The following ELFN1 variants were observed in gnomAD, a reference collection of about 807,000 sequenced individuals.
The protein encoded by ELFN1 is extracellular leucine rich repeat and fibronectin type III domain containing 1.
In ELFN1, 6 loss-of-function variants were observed where a neutral mutation model predicts 7.6. The ratio of observed to expected loss-of-function variants is 0.79; its 90% confidence interval spans 0.43 to 1.56. ELFN1 has a LOEUF of 1.56. Among genes scored for constraint, ELFN1 ranks in the 40% most tolerant of loss-of-function variants. The pLI is 0.01. For missense variants in ELFN1, 1,169 were observed against 1,232.2 expected (o/e 0.95, Z 0.77); for synonymous variants, 657 against 588.1 (o/e 1.12, Z -1.70).
intron 3 of ELFN1, among the ~76,000 whole-genome samples, chr7:1,710,152 T>C (rs558889718): frequency 2.0e-5 from 3 of 152,384 alleles, no homozygotes; most frequent in African/African-American, 2.4e-5. Context: ...GTCTTCCATA[T>C]TGAAGAGTTC....
chr7:1,692,561 C>CCTGCA (rs1779191341), intron 2 of ELFN1: 1 of 152,492 alleles, frequency 6.6e-6, no homozygotes, highest in Non-Finnish European at 1.5e-5. Flanking sequence ...GCAGGCAACA[C>CCTGCA]CGTGGCACTT....
intron 3 of ELFN1, among the ~76,000 whole-genome samples, chr7:1,743,057 A>C (rs896302764): frequency 6.7e-6 from 1 of 148,942 alleles, no homozygotes; most frequent in African/African-American, 2.5e-5. Flanking sequence ...GAGGTCGCAC[A>C]CCAGGGGCCC....
Position 1,688,045 on chromosome 7 carries a change from T to TC in ELFN1, c.-548-13_-548-12insC, listed in dbSNP as rs1779090494. Reference sequence around the variant, plus strand: ...ATGCCTGGCTAATTTTTTTTTTTTTTTTTTTTTTGTAGAGACAGAGTCTCC... The same window carrying TC: ...ATGCCTGGCTAATTTTTTTTTTTTTTCTTTTTTTTGTAGAGACAGAGTCTCC... On this transcript the variant is annotated splice_polypyrimidine_tract_variant and intron_variant, in intron 1 of 3. Coordinates refer to ENST00000424383, the MANE Select transcript of ELFN1 (RefSeq NM_001128636.4). 1 of 145,790 alleles carries TC rather than the reference T, an allele frequency of 6.9e-6. No homozygotes were observed. Among genetic ancestry groups the TC allele is most frequent in the East Asian group, 1.9e-4 (1 of 5,152 alleles). The allele number at this position is 145,790 out of a possible 1,614,324, so 9.0% of individuals were successfully genotyped here.
intron 2 of ELFN1, 93 bp from the exon 3 acceptor site, chr7:1,708,998 G>A (rs567900052): frequency 9.2e-5 from 14 of 152,236 alleles, no homozygotes; most frequent in Non-Finnish European, 1.6e-4. Context: ...GACAGCTGGT[G>A]GCTCCGGCAG....
At chr7:1,722,415 T>C (rs923856001) in intron 3 of ELFN1, among the ~76,000 whole-genome samples, 5 of 151,984 alleles carry the variant, frequency 3.3e-5, no homozygotes, top group Non-Finnish European at 7.4e-5. Context: ...TACAGGTGCC[T>C]GCCACCACGC....
At position 1,670,830 on chromosome 7, in the gene ELFN1, C is replaced by T. The variant is rs1778750453; in HGVS notation, c.-549+476C>T. On this transcript the variant is annotated intron_variant, in intron 1 of 3. Transcript: ENST00000424383. This position sits in a 1 kb window ranked among gnomAD's most constrained non-coding sequence, Gnocchi z 6.4. Reference sequence around the variant, plus strand: ...GCCCTCCCTGCTGGGCCGCCCTCCCCCCGACGCTGCGAGCCTCCTCGCTCC... The same window carrying T: ...GCCCTCCCTGCTGGGCCGCCCTCCCTCCGACGCTGCGAGCCTCCTCGCTCC... Among the ~76,000 whole-genome samples, 1 of 152,208 alleles carries T rather than the reference C, an allele frequency of 6.6e-6. No homozygotes were observed. Among genetic ancestry groups the T allele is most frequent in the Non-Finnish European group, 1.5e-5 (1 of 68,032 alleles).
chr7:1,730,973 A>T, intron 3 of ELFN1, among the ~76,000 whole-genome samples: 1 of 152,234 alleles, frequency 6.6e-6, no homozygotes, highest in East Asian at 1.9e-4. Flanking sequence ...GCTGGAAATC[A>T]AACCAACATA....
rs2128586156 is a variant in ELFN1 at position 1,705,979 on chromosome 7, T to C, written c.-455-3112T>C. 6.6e-6 allele frequency among the ~76,000 whole-genome samples: 1 copy of C among 152,292 alleles called. No homozygotes were observed. Among genetic ancestry groups the C allele is most frequent in the South Asian group, 2.1e-4 (1 of 4,820 alleles). On this transcript the variant is annotated intron_variant, in intron 2 of 3. Transcript: ENST00000424383. The surrounding 1 kb of genome is among the most constrained non-coding windows in gnomAD (Gnocchi z 4.3). Reference sequence around the variant, plus strand: ...GGGATGGTCACGATCGTCCTTGTTCTACAGGGAGGGAAACTGAGGCACAGC... The same window carrying C: ...GGGATGGTCACGATCGTCCTTGTTCCACAGGGAGGGAAACTGAGGCACAGC...
intron 1 of ELFN1, among the ~76,000 whole-genome samples, chr7:1,681,724 G>A (rs1778978499): frequency 6.6e-6 from 1 of 152,200 alleles, no homozygotes; most frequent in Admixed American, 6.5e-5. Flanking sequence ...CCAGCAACAC[G>A]TGAGGGTTCC....
chr7:1,708,841 T>C (rs1431370805), intron 2 of ELFN1, among the ~76,000 whole-genome samples: 2 of 152,234 alleles, frequency 1.3e-5, no homozygotes, highest in Admixed American at 1.3e-4. Flanking sequence ...GTTCAGTTCA[T>C]ATCTTGCATC....
intron 2 of ELFN1, among the ~76,000 whole-genome samples, chr7:1,697,800 TGA>T (rs1050914453): frequency 2.2e-4 from 33 of 152,208 alleles, no homozygotes; most frequent in African/African-American, 7.7e-4. Context: ...GTAATTTATT[TGA>T]GAGACAGGGT....
intron 2 of ELFN1, among the ~76,000 whole-genome samples, chr7:1,700,580 G>A (rs1779405723): frequency 6.6e-6 from 1 of 152,238 alleles, no homozygotes; most frequent in African/African-American, 2.4e-5. Flanking sequence ...AGGGGATCAA[G>A]GTCGGTTCCA....
intron 2 of ELFN1, among the ~76,000 whole-genome samples, chr7:1,707,281 C>A (rs2128586698): frequency 6.6e-6 from 1 of 152,352 alleles, no homozygotes. Context: ...CGCGTCCTGG[C>A]CCGACCCCTC....
At chr7:1,719,610 C>G (rs1562376075) in intron 3 of ELFN1, among the ~76,000 whole-genome samples, 1 of 152,228 alleles carries the variant, frequency 6.6e-6, no homozygotes, top group Non-Finnish European at 1.5e-5. Flanking sequence ...TGGATGGGGC[C>G]ACAGACTCTG....
At chr7:1,682,725 TCTTGCCTTATTGCACTAACTGGAA>T (rs1778995494) in intron 1 of ELFN1, among the ~76,000 whole-genome samples, 1 of 152,090 alleles carries the variant, frequency 6.6e-6, no homozygotes, top group African/African-American at 2.4e-5. Context: ...TATTTCTTTT[TCTTGCCTTATTGCACTAACTGGAA>T]CTTTCAGAAT....
chr7:1,725,291 G>A (rs568720808), intron 3 of ELFN1, among the ~76,000 whole-genome samples: 1 of 152,232 alleles, frequency 6.6e-6, no homozygotes, highest in African/African-American at 2.4e-5. Context: ...CCAGAATCCC[G>A]CCCACAGCTG....
chr7:1,674,058 G>C (rs1348523134), intron 1 of ELFN1, among the ~76,000 whole-genome samples: 1 of 152,048 alleles, frequency 6.6e-6, no homozygotes, highest in Non-Finnish European at 1.5e-5. Flanking sequence ...CAGGCGGCGA[G>C]GACCACTGCT....
chr7:1,682,258 A>G (rs940697039), intron 1 of ELFN1, among the ~76,000 whole-genome samples: 5 of 152,064 alleles, frequency 3.3e-5, no homozygotes, highest in Admixed American at 6.5e-5. Context: ...ACTTAGGCCT[A>G]TTGTCCAATT....
At chr7:1,733,945 T>C (rs1780377518) in intron 3 of ELFN1, among the ~76,000 whole-genome samples, 1 of 151,994 alleles carries the variant, frequency 6.6e-6, no homozygotes, top group Non-Finnish European at 1.5e-5. Context: ...TGACCCCCGG[T>C]CAGAACAGGG....
Sources: allele counts gnomAD v4.1 joint callset (sites outside exome capture counted in the v4.1 genomes callset), GRCh38; gene constraint gnomAD v4.1.1; non-coding constraint Gnocchi (gnomAD v3.1); transcripts MANE v1.5; gene names NCBI Gene and HGNC (gene_info 2026-07-23, HGNC 2026-07-21).